The following STK10 variants were observed in gnomAD, a reference collection of about 807,000 sequenced individuals.
STK10 encodes the protein serine/threonine kinase 10.
Under a neutral mutation model 113.8 loss-of-function variants are expected in STK10, and 78 were observed. That is an observed-to-expected ratio of 0.69 (90% CI 0.57 to 0.83). The LOEUF (loss-of-function observed/expected upper bound fraction) is 0.83, where lower values mean the gene tolerates loss of function less well. Among genes scored for constraint, STK10 ranks in the 40% least tolerant of loss-of-function variants. The pLI is 0.00. For missense variants in STK10, 1,109 were observed against 1,280.1 expected (o/e 0.87, Z 2.04); for synonymous variants, 465 against 494.7 (o/e 0.94, Z 0.80).
chr5:172,069,251 G>T (rs559151704), intron 12 of STK10, among the ~76,000 whole-genome samples: 2 of 151,854 alleles, frequency 1.3e-5, no homozygotes, highest in Non-Finnish European at 2.9e-5. Context: ...TTTCAGATGG[G>T]ATTAAAAAAA....
At chr5:172,088,807 A>G (rs979340080) in intron 10 of STK10, among the ~76,000 whole-genome samples, 60 of 152,206 alleles carry the variant, frequency 3.9e-4, no homozygotes, top group African/African-American at 1.4e-3. Flanking sequence ...CAAGTGACTT[A>G]CTTGCCCAGA....
At chr5:172,094,517 G>A (rs1768803092) in intron 8 of STK10, among the ~76,000 whole-genome samples, 1 of 151,844 alleles carries the variant, frequency 6.6e-6, no homozygotes, top group South Asian at 2.1e-4. Context: ...CGAGTAGCTG[G>A]GACTACAGGT....
intron 18 of STK10, among the ~76,000 whole-genome samples, chr5:172,051,131 T>C (rs1333114910): frequency 2.0e-5 from 3 of 152,090 alleles, no homozygotes; most frequent in African/African-American, 7.2e-5. Flanking sequence ...GGATGTAACT[T>C]TGCTCCAGCC....
At chr5:172,164,616 A>T (rs1366986086) in intron 1 of STK10, among the ~76,000 whole-genome samples, 1 of 152,186 alleles carries the variant, frequency 6.6e-6, no homozygotes, top group Non-Finnish European at 1.5e-5. Context: ...ATATTCTGCA[A>T]AAGTCTCATC....
At chr5:172,125,987 T>G (rs955573433) in intron 3 of STK10, among the ~76,000 whole-genome samples, 1 of 152,216 alleles carries the variant, frequency 6.6e-6, no homozygotes, top group Admixed American at 6.5e-5. Context: ...CAAGGCTATG[T>G]CAGGACTACA....
intron 10 of STK10, among the ~76,000 whole-genome samples, chr5:172,087,258 T>TATTC (rs1235373950): frequency 1.4e-5 from 1 of 70,648 alleles, no homozygotes; most frequent in Non-Finnish European, 2.7e-5. Context: ...GGTTTTGGCT[T>TATTC]ATTTATTTAT....
rs774728105 is a variant in STK10 at position 172,090,192 on chromosome 5, C to G, written c.1685+40G>C. 8 of 1,610,334 alleles carry G rather than the reference C, an allele frequency of 5.0e-6. No individual in the cohort carries two copies. The Admixed American group carries it at 1.3e-4, about 27-fold the overall frequency. ...AATGCCCACTCCTCTTACCATAGCC[C>G]CACCCTGTTACCACCATTGGTGGCC... is the stretch of plus-strand genomic sequence containing the variant. On this transcript the variant is annotated intron_variant, in intron 10 of 18. Coordinates refer to ENST00000176763, the MANE Select transcript of STK10 (RefSeq NM_005990.4).
At position 172,187,814 on chromosome 5, in the gene STK10, G is replaced by A; in HGVS notation, c.156+73C>T. On this transcript the variant is annotated intron_variant, in intron 1 of 18. Coordinates refer to ENST00000176763, the MANE Select transcript of STK10 (RefSeq NM_005990.4). This position sits in a 1 kb window ranked among gnomAD's most constrained non-coding sequence, Gnocchi z 4.6. ...CCTCGGAGCCGGAGCCAGGCTGGCC[G>A]GGTCCGGCTCAGGCATCCCTTCCTT... 2 of 1,565,778 alleles carry A rather than the reference G, an allele frequency of 1.3e-6. No individual in the cohort carries two copies. The highest frequency in any genetic ancestry group is 1.9e-5 in the Admixed American group (1 of 53,354).
chr5:172,095,378 G>T (rs950132507), intron 8 of STK10, among the ~76,000 whole-genome samples: 3 of 152,204 alleles, frequency 2.0e-5, no homozygotes, highest in Non-Finnish European at 4.4e-5. Flanking sequence ...TGCAGACAAT[G>T]AGGCCAGGTG....
chr5:172,090,573 G>C (rs1285489104), intron 9 of STK10, among the ~76,000 whole-genome samples: 3 of 152,116 alleles, frequency 2.0e-5, no homozygotes, highest in African/African-American at 7.2e-5. Flanking sequence ...TCAGCCTTCA[G>C]AAACTGTGCT....
chr5:172,150,098 C>A (rs983344703), intron 2 of STK10, among the ~76,000 whole-genome samples: 1 of 150,216 alleles, frequency 6.7e-6, no homozygotes, highest in Admixed American at 6.6e-5. Flanking sequence ...ATCCTCCCTT[C>A]CAAGCCCCTA....
intron 16 of STK10, 152 bp from the exon 17 acceptor site, chr5:172,054,846 T>A: frequency 8.4e-7 from 1 of 1,187,416 alleles, no homozygotes; most frequent in Non-Finnish European, 1.2e-6. Flanking sequence ...GTGCCCGTGT[T>A]AAGTCCTCAC....
At chr5:172,098,245 T>C (rs751001993) in intron 7 of STK10, among the ~76,000 whole-genome samples, 5 of 152,252 alleles carry the variant, frequency 3.3e-5, no homozygotes, top group Admixed American at 6.5e-5. Context: ...AAACAGTTCA[T>C]TTGGCCGGGC....
intron 2 of STK10, among the ~76,000 whole-genome samples, chr5:172,152,181 C>T (rs981057268): frequency 2.2e-4 from 33 of 152,312 alleles, no homozygotes; most frequent in African/African-American, 6.5e-4. Flanking sequence ...GCCTTCATAC[C>T]GTCTGTTTCT....
chr5:172,077,032 C>T (rs1338898443), intron 12 of STK10, among the ~76,000 whole-genome samples: 1 of 152,168 alleles, frequency 6.6e-6, no homozygotes, highest in Non-Finnish European at 1.5e-5. Context: ...GACAAAGGGG[C>T]ACAGGACTTC....
chr5:172,093,253 C>T lies in STK10; in HGVS notation c.1554+159G>A, dbSNP rs1464141636. ...ACATTCCTAAATCCCATATTGAACC[C>T]AGATATTTTGGAGATTAAACTATGA... is the stretch of plus-strand genomic sequence containing the variant. On this transcript the variant is annotated intron_variant, in intron 9 of 18. Coordinates refer to ENST00000176763, the MANE Select transcript of STK10 (RefSeq NM_005990.4). This position sits in a 1 kb window ranked among gnomAD's most constrained non-coding sequence, Gnocchi z 4.1. 2.0e-5 allele frequency among the ~76,000 whole-genome samples: 3 copies of T among 152,222 alleles called. No individual in the cohort carries two copies. Among genetic ancestry groups the T allele is most frequent in the African/African-American group, 4.8e-5 (2 of 41,448 alleles).
intron 7 of STK10, 130 bp downstream of exon 7, chr5:172,105,526 C>T (rs1334203647): frequency 7.2e-6 from 7 of 973,792 alleles, no homozygotes; most frequent in Non-Finnish European, 6.2e-6. Flanking sequence ...CTGGGGAATA[C>T]CCGCTGATGG....
At chr5:172,100,494 A>G (rs1768963212) in intron 7 of STK10, among the ~76,000 whole-genome samples, 1 of 152,174 alleles carries the variant, frequency 6.6e-6, no homozygotes, top group African/African-American at 2.4e-5. Context: ...GGCTTTAAAA[A>G]ACGCCAAAAA....
chr5:172,121,481 C>T (rs987130312), intron 3 of STK10, among the ~76,000 whole-genome samples: 12 of 151,824 alleles, frequency 7.9e-5, no homozygotes, highest in Non-Finnish European at 1.3e-4. Flanking sequence ...CTGGAACCAC[C>T]GGTGTGTGCC....
Sources: allele counts gnomAD v4.1 joint callset (sites outside exome capture counted in the v4.1 genomes callset), GRCh38; gene constraint gnomAD v4.1.1; non-coding constraint Gnocchi (gnomAD v3.1); transcripts MANE v1.5; gene names NCBI Gene and HGNC (gene_info 2026-07-23, HGNC 2026-07-21).